NRXN2: variants seen among roughly 807,000 people sequenced by gnomAD.
NRXN2 encodes the protein neurexin-2-beta.
A neutral mutation model predicts 128.8 loss-of-function variants in NRXN2; 29 were observed. That is an observed-to-expected ratio of 0.23 (90% confidence interval 0.17 to 0.31). NRXN2 has a LOEUF of 0.31. Ranked by LOEUF, NRXN2 falls within the 10% of genes least tolerant of loss-of-function variation. The pLI is 1.00. For synonymous variants in NRXN2, 1,098 were observed against 1,075.2 expected (o/e 1.02, Z -0.41); for missense variants, 1,881 against 2,452.6 (o/e 0.77, Z 4.92).
intron 6 of NRXN2, among the ~76,000 whole-genome samples, chr11:64,679,152 G>T (rs867563905): frequency 6.6e-6 from 1 of 152,158 alleles, no homozygotes; most frequent in South Asian, 2.1e-4. Context: ...TAAACAACCA[G>T]GCCCAGAACG....
intron 9 of NRXN2, among the ~76,000 whole-genome samples, chr11:64,662,015 G>C (rs1188486096): frequency 1.3e-5 from 2 of 152,016 alleles, no homozygotes; most frequent in Non-Finnish European, 2.9e-5. Flanking sequence ...CACTTTGGGA[G>C]GCCGAGGCGG....
At chr11:64,704,623 CAGAGAGAGAGAGAG>C (rs61394963) in intron 2 of NRXN2, among the ~76,000 whole-genome samples, 1,700 of 81,200 alleles carry the variant, frequency 0.021, 63 homozygotes, top group African/African-American at 0.074. Context: ...CACACACACA[CAGAGAGAGAGAGAG>C]AGAGAGAGAG....
At position 64,687,385 on chromosome 11, in the gene NRXN2, A is replaced by G. The variant is rs527913442; in HGVS notation, c.851-1438T>C. ...ACACACAGCCTGCTTCTCTCTCTCT[A>G]GGCAGGCTGCCCACAGCCTCTGTCC... On this transcript the variant is annotated intron_variant, in intron 5 of 22. Coordinates refer to ENST00000265459, the MANE Select transcript of NRXN2 (RefSeq NM_015080.4). Among the ~76,000 whole-genome samples the G allele has an allele frequency of 2.0e-5, 3 of 152,204 alleles. No homozygotes were observed. In the East Asian group the frequency reaches 5.8e-4, roughly 29 times the overall value.
At chr11:64,677,324 G>A (rs1348448633) in intron 6 of NRXN2, among the ~76,000 whole-genome samples, 1 of 115,170 alleles carries the variant, frequency 8.7e-6, no homozygotes, top group African/African-American at 3.3e-5. Flanking sequence ...TCCCTACCCC[G>A]CCCCTCCTCT....
At chr11:64,685,282 A>G (rs1358664496) in intron 6 of NRXN2, among the ~76,000 whole-genome samples, 2 of 151,982 alleles carry the variant, frequency 1.3e-5, no homozygotes, top group Admixed American at 6.5e-5. Flanking sequence ...GCACCCATTC[A>G]GGCACTGGCT....
At chr11:64,673,672 C>CT (rs1021671551) in intron 7 of NRXN2, among the ~76,000 whole-genome samples, 4 of 141,332 alleles carry the variant, frequency 2.8e-5, no homozygotes, top group African/African-American at 9.8e-5. Flanking sequence ...GTATTGTTTA[C>CT]TTTTTTTTGT....
chr11:64,698,804 C>T (rs1003396139), intron 2 of NRXN2, among the ~76,000 whole-genome samples: 4 of 152,232 alleles, frequency 2.6e-5, no homozygotes, highest in Non-Finnish European at 4.4e-5. Context: ...TACAACTCCT[C>T]AAGCAGGTTG....
At chr11:64,704,746 G>A (rs1010398830) in intron 2 of NRXN2, among the ~76,000 whole-genome samples, 1 of 151,670 alleles carries the variant, frequency 6.6e-6, no homozygotes, top group Non-Finnish European at 1.5e-5. Context: ...TAAGAATTCA[G>A]AAGTACAGCA....
intron 2 of NRXN2, among the ~76,000 whole-genome samples, chr11:64,702,827 G>T (rs1462955931): frequency 1.4e-5 from 2 of 141,012 alleles, no homozygotes; most frequent in South Asian, 2.3e-4. Flanking sequence ...AAAAAAAAAA[G>T]AAAAATAAAT....
intron 2 of NRXN2, among the ~76,000 whole-genome samples, chr11:64,702,971 TA>T (rs557268486): frequency 2.7e-3 from 139 of 51,158 alleles, no homozygotes; most frequent in Admixed American, 3.9e-3. Context: ...CCCAGGTCTC[TA>T]AAAAAAAAAA....
chr11:64,624,631 T>C (rs2042844963), intron 20 of NRXN2, among the ~76,000 whole-genome samples: 1 of 152,212 alleles, frequency 6.6e-6, no homozygotes, highest in South Asian at 2.1e-4. Context: ...AGGAAACATT[T>C]CACAATCGAA....
At chr11:64,620,264 C>T (rs551346566) in intron 22 of NRXN2, 30 bp downstream of exon 22, 12 of 1,526,816 alleles carry the variant, frequency 7.9e-6, no homozygotes, top group Admixed American at 3.9e-5. Context: ...CAGAGGGACC[C>T]GGGGCAGGGG....
intron 6 of NRXN2, among the ~76,000 whole-genome samples, chr11:64,680,922 C>A (rs2052152893): frequency 6.6e-6 from 1 of 151,716 alleles, no homozygotes; most frequent in African/African-American, 2.4e-5. Context: ...CATGGTGAAA[C>A]CCCGTCTCTA....
chr11:64,639,508 G>C (rs1471290615), intron 17 of NRXN2, among the ~76,000 whole-genome samples: 2 of 152,082 alleles, frequency 1.3e-5, no homozygotes, highest in Admixed American at 6.5e-5. Context: ...CGGTGGGGTG[G>C]GAGGAACCTC....
At chr11:64,699,425 C>CTTTTTT (rs67776872) in intron 2 of NRXN2, among the ~76,000 whole-genome samples, 1,181 of 92,064 alleles carry the variant, frequency 0.013, 56 homozygotes, top group African/African-American at 0.017. Context: ...TAATAGTTTT[C>CTTTTTT]TTTTTTTTTT....
intron 3 of NRXN2, among the ~76,000 whole-genome samples, chr11:64,695,730 GCA>G (rs140194538): frequency 3.3e-5 from 5 of 150,434 alleles, no homozygotes; most frequent in Admixed American, 6.6e-5. Flanking sequence ...ACACACACGC[GCA>G]CACACACACA....
At position 64,651,484 on chromosome 11, in the gene NRXN2, T is replaced by G; in HGVS notation, c.2689A>C (p.Lys897Gln). The G allele has an allele frequency of 6.2e-7, 1 of 1,614,158 alleles. No individual in the cohort carries two copies. The highest frequency in any genetic ancestry group is 8.5e-7 in the Non-Finnish European group (1 of 1,180,006). The change falls in exon 14 of 23, where the codon AAG becomes CAG. Residue 897 changes from lysine to glutamine, a missense_variant. By Grantham distance (53) the Lys-to-Gln change is moderately conservative (BLOSUM62 1). This residue lies in a region of NRXN2 where 390 missense variants were observed against 599.6 expected (regional missense o/e 0.65). Coordinates refer to ENST00000265459, the MANE Select transcript of NRXN2 (RefSeq NM_015080.4). The surrounding 1 kb of genome is among the most constrained non-coding windows in gnomAD (Gnocchi z 5.9). ...TCACAGTAGGTGATGTCACCATCCT[T>G]GCACTGGTCCATGTAGGGCTGGCCA... Reference protein sequence around the residue: ...FNGQPYMDQCKDGDITYCELN... With the variant: ...FNGQPYMDQCQDGDITYCELN...
At chr11:64,689,604 T>C (rs898711258) in intron 5 of NRXN2, among the ~76,000 whole-genome samples, 4 of 152,030 alleles carry the variant, frequency 2.6e-5, no homozygotes, top group African/African-American at 9.7e-5. Context: ...CTTGGTCTAG[T>C]TGGGGAAGCA....
At chr11:64,685,415 C>T (rs1192426243) in intron 6 of NRXN2, among the ~76,000 whole-genome samples, 1 of 152,178 alleles carries the variant, frequency 6.6e-6, no homozygotes, top group Non-Finnish European at 1.5e-5. Flanking sequence ...CAGGTTCCTG[C>T]CCAGGGACAG....
Sources: allele counts gnomAD v4.1 joint callset (sites outside exome capture counted in the v4.1 genomes callset), GRCh38; gene constraint gnomAD v4.1.1; regional missense constraint gnomAD v4.1.1; non-coding constraint Gnocchi (gnomAD v3.1); transcripts MANE v1.5; gene names NCBI Gene and HGNC (gene_info 2026-07-23, HGNC 2026-07-21).